The following PTPRN2 variants were observed in gnomAD, a reference collection of about 807,000 sequenced individuals.
PTPRN2 encodes the protein receptor-type tyrosine-protein phosphatase N2.
In PTPRN2, 74 loss-of-function variants were observed where a neutral mutation model predicts 118.8. That is an observed-to-expected ratio of 0.62 (90% CI 0.52 to 0.76). The LOEUF is 0.76. PTPRN2 is among the 30% of genes least tolerant of loss of function. The pLI is 0.00. For synonymous variants in PTPRN2, 641 were observed against 608.0 expected, an observed-to-expected ratio of 1.05 and a Z score of -0.80; for missense variants, 1,481 against 1,394.4, an observed-to-expected ratio of 1.06 and a Z score of -0.99.
At chr7:158,131,960 CAG>C (rs1216163140) in intron 9 of PTPRN2, among the ~76,000 whole-genome samples, 1 of 151,840 alleles carries the variant, frequency 6.6e-6, no homozygotes, top group Non-Finnish European at 1.5e-5. Flanking sequence ...CAAATACGCA[CAG>C]ATACACATCT....
chr7:157,582,162 C>G (rs189173544), intron 17 of PTPRN2, among the ~76,000 whole-genome samples: 1 of 152,346 alleles, frequency 6.6e-6, no homozygotes, highest in East Asian at 1.9e-4. Flanking sequence ...CAACCTCACT[C>G]TCTTCTTCAC....
intron 12 of PTPRN2, among the ~76,000 whole-genome samples, chr7:157,887,437 CCCAGTACCCACTTCCT>C (rs1335207484): frequency 9.2e-6 from 1 of 109,098 alleles, no homozygotes; most frequent in Non-Finnish European, 2.0e-5. Flanking sequence ...TACCCACTCC[CCCAGTACCCACTTCCT>C]CCAGTACCCG....
chr7:157,846,444 C>T (rs886422274), intron 12 of PTPRN2, among the ~76,000 whole-genome samples: 3 of 152,094 alleles, frequency 2.0e-5, no homozygotes, highest in Non-Finnish European at 4.4e-5. Flanking sequence ...AACCAACCAC[C>T]GAGAAACACC....
At chr7:158,127,330 G>A (rs375551828) in intron 9 of PTPRN2, among the ~76,000 whole-genome samples, 11 of 151,642 alleles carry the variant, frequency 7.3e-5, no homozygotes, top group South Asian at 4.2e-4. Flanking sequence ...CTCTGCTTGC[G>A]CCCTGCATCC....
At chr7:158,148,402 C>T in intron 6 of PTPRN2, among the ~76,000 whole-genome samples, 3 of 135,358 alleles carry the variant, frequency 2.2e-5, no homozygotes, top group Admixed American at 7.3e-5. Flanking sequence ...CCCTCAATGA[C>T]ACCCCATCTC....
At chr7:157,814,368 G>A (rs1031085564) in intron 12 of PTPRN2, among the ~76,000 whole-genome samples, 13 of 152,112 alleles carry the variant, frequency 8.5e-5, no homozygotes, top group East Asian at 1.9e-4. Flanking sequence ...CTTCCTCAGC[G>A]TTTGACGGGC....
chr7:158,336,631 G>GACGTCACTCACACCCAC (rs1449370914), intron 2 of PTPRN2, among the ~76,000 whole-genome samples: 2 of 138,994 alleles, frequency 1.4e-5, no homozygotes, highest in Non-Finnish European at 3.0e-5. Flanking sequence ...GACACATGCA[G>GACGTCACTCACACCCAC]ACGTCACTCA....
chr7:157,989,672 G>A (rs1201296532), intron 11 of PTPRN2, among the ~76,000 whole-genome samples: 2 of 151,888 alleles, frequency 1.3e-5, no homozygotes, highest in Non-Finnish European at 2.9e-5. Context: ...ACCATGGTCT[G>A]GGGGAGGCAG....
intron 12 of PTPRN2, among the ~76,000 whole-genome samples, chr7:157,851,995 G>A (rs369237434): frequency 4.6e-5 from 7 of 152,166 alleles, no homozygotes; most frequent in East Asian, 1.9e-4. Context: ...ATAACCACCC[G>A]CTCAGAAGAA....
chr7:158,489,705 A>G, intron 2 of PTPRN2, 30 bp downstream of exon 2: 1 of 1,558,132 alleles, frequency 6.4e-7, no homozygotes, highest in Non-Finnish European at 8.7e-7. Context: ...GGGGCAGACC[A>G]GGGCGCAGCA....
At position 157,903,212 on chromosome 7, in the gene PTPRN2, A is replaced by T. The variant is rs369460315; in HGVS notation, c.1724-4475T>A. ...GCTCACATGGAAGTGGGGACCAGAC[A>T]TCGGGTACTTACAGCCATAGAGATG... On this transcript the variant is annotated intron_variant, in intron 11 of 22. Transcript: ENST00000389418. This position sits in a 1 kb window ranked among gnomAD's most constrained non-coding sequence, Gnocchi z 4.2. Among the ~76,000 whole-genome samples, 25 of 152,288 alleles carry T rather than the reference A, an allele frequency of 1.6e-4. No individual in the cohort carries two copies. The East Asian group carries it at 4.6e-3, about 28-fold the overall frequency.
intron 2 of PTPRN2, among the ~76,000 whole-genome samples, chr7:158,430,852 G>GC (rs1309315969): frequency 6.6e-6 from 1 of 152,174 alleles, no homozygotes; most frequent in Non-Finnish European, 1.5e-5. Flanking sequence ...AGGGGGAAGA[G>GC]CCCCCCACAC....
At chr7:158,080,784 A>C (rs1812761446) in intron 11 of PTPRN2, among the ~76,000 whole-genome samples, 2 of 152,192 alleles carry the variant, frequency 1.3e-5, no homozygotes, top group Non-Finnish European at 2.9e-5. Context: ...GGCTCTAAAC[A>C]GTGAAACCGT....
At chr7:158,528,793 C>A (rs1321876562) in intron 1 of PTPRN2, among the ~76,000 whole-genome samples, 1 of 149,678 alleles carries the variant, frequency 6.7e-6, no homozygotes, top group Admixed American at 6.6e-5. Flanking sequence ...AGCAAAACTC[C>A]GTCTCAAAAA....
chr7:158,226,662 A>G (rs1191918700), intron 3 of PTPRN2, among the ~76,000 whole-genome samples: 1 of 140,918 alleles, frequency 7.1e-6, no homozygotes, highest in Non-Finnish European at 1.5e-5. Flanking sequence ...AGGAACGAAG[A>G]CAGCGCTTCC....
At chr7:158,487,809 T>A (rs1821140140) in intron 2 of PTPRN2, among the ~76,000 whole-genome samples, 1 of 152,094 alleles carries the variant, frequency 6.6e-6, no homozygotes, top group South Asian at 2.1e-4. Flanking sequence ...CAAAGCGCAG[T>A]TTTCTAAGAC....
chr7:158,414,134 G>T (rs1467319550), intron 2 of PTPRN2, among the ~76,000 whole-genome samples: 1 of 151,722 alleles, frequency 6.6e-6, no homozygotes, highest in Non-Finnish European at 1.5e-5. Flanking sequence ...GGAGAACTGT[G>T]GTTCTAGCAA....
At chr7:158,523,295 C>T (rs1824358195) in intron 1 of PTPRN2, among the ~76,000 whole-genome samples, 2 of 152,186 alleles carry the variant, frequency 1.3e-5, no homozygotes, top group Admixed American at 6.6e-5. Context: ...AGGGCTGGTG[C>T]GGACAAGAGA....
chr7:157,606,753 T>C (rs774865862), intron 15 of PTPRN2, among the ~76,000 whole-genome samples: 15 of 152,198 alleles, frequency 9.9e-5, no homozygotes, highest in Non-Finnish European at 2.1e-4. Flanking sequence ...CTCTACGCAA[T>C]TCTTTCATTT....
Sources: gnomAD v4.1 joint callset for allele counts (sites outside exome capture counted in the v4.1 genomes callset) on GRCh38, gnomAD v4.1.1 for gene constraint, Gnocchi (gnomAD v3.1) non-coding constraint, MANE v1.5 for transcripts, NCBI Gene and HGNC (gene_info 2026-07-23, HGNC 2026-07-21) for gene names.